The following SGCD variants were observed in gnomAD, a reference collection of about 807,000 sequenced individuals.
SGCD encodes delta-sarcoglycan.
In SGCD, 18 loss-of-function variants were observed where a neutral mutation model predicts 36.6. That is an observed-to-expected ratio of 0.49 (90% CI 0.34 to 0.73). SGCD has a LOEUF of 0.73. Among genes scored for constraint, SGCD ranks in the 30% least tolerant of loss-of-function variants. The pLI, the probability that SGCD is intolerant of heterozygous loss-of-function variation, is 0.01. For missense variants in SGCD, 387 were observed against 346.7 expected (o/e 1.12, Z -0.92); for synonymous variants, 133 against 130.6 (o/e 1.02, Z -0.12).
chr5:156,098,867 C>T (rs1761447004), intron 1 of SGCD, among the ~76,000 whole-genome samples: 1 of 152,240 alleles, frequency 6.6e-6, no homozygotes, highest in Non-Finnish European at 1.5e-5. Context: ...TGCCCACCCA[C>T]CTTGGTATCT....
chr5:156,545,577 T>C (rs918680601), intron 4 of SGCD, among the ~76,000 whole-genome samples: 2 of 152,072 alleles, frequency 1.3e-5, no homozygotes, highest in Admixed American at 6.5e-5. Flanking sequence ...CCGACCTAGA[T>C]CCCTTGCATG....
At chr5:156,605,716 T>G (rs1413901182) in intron 6 of SGCD, among the ~76,000 whole-genome samples, 1 of 152,210 alleles carries the variant, frequency 6.6e-6, no homozygotes, top group South Asian at 2.1e-4. Context: ...ACTTGTTGTT[T>G]CCTGACTTTT....
chr5:156,296,318 C>A (rs1317228642), intron 3 of SGCD, among the ~76,000 whole-genome samples: 3 of 152,120 alleles, frequency 2.0e-5, no homozygotes, highest in Non-Finnish European at 4.4e-5. Context: ...GAGACGGTGT[C>A]AAAGGTGACC....
At chr5:156,674,072 T>A (rs1472317556) in intron 7 of SGCD, among the ~76,000 whole-genome samples, 2 of 152,182 alleles carry the variant, frequency 1.3e-5, no homozygotes, top group Non-Finnish European at 2.9e-5. Context: ...ATGAGTGGGA[T>A]TAAAATGGAG....
chr5:155,929,356 T>C lies in SGCD; in HGVS notation c.-282+58932T>C, dbSNP rs182858969. On this transcript the variant is annotated intron_variant, in intron 1 of 9. Transcript: ENST00000517913. Reference sequence around the variant, plus strand: ...TCTCAGTAAATGCTTTTGTGCAAACTCAATTATTCAGAAAAGAGAATTTAA... The same window carrying C: ...TCTCAGTAAATGCTTTTGTGCAAACCCAATTATTCAGAAAAGAGAATTTAA... 1.6e-3 allele frequency among the ~76,000 whole-genome samples: 249 copies of C among 152,326 alleles called. 1 individual carries two copies. The highest frequency in any genetic ancestry group is 5.9e-3 in the African/African-American group (246 of 41,584).
intron 3 of SGCD, among the ~76,000 whole-genome samples, chr5:156,391,753 T>G (rs1771583625): frequency 6.6e-6 from 1 of 152,200 alleles, no homozygotes; most frequent in Non-Finnish European, 1.5e-5. Context: ...AAGGGATGAC[T>G]CTCTATATAC....
intron 3 of SGCD, among the ~76,000 whole-genome samples, chr5:156,300,178 A>T (rs917620213): frequency 6.6e-6 from 1 of 152,134 alleles, no homozygotes; most frequent in Non-Finnish European, 1.5e-5. Flanking sequence ...TTCAGCATCA[A>T]CTAAAATGAT....
chr5:156,729,306 C>T (rs1449717620), intron 7 of SGCD, among the ~76,000 whole-genome samples: 1 of 152,156 alleles, frequency 6.6e-6, no homozygotes, highest in East Asian at 1.9e-4. Context: ...ATGCCTTTAC[C>T]ATCCCCCTGA....
chr5:155,845,460 C>A, the SGCD span: 1 of 152,366 alleles, frequency 6.6e-6, no homozygotes, highest in Non-Finnish European at 1.5e-5. Flanking sequence ...CCACCCTGAA[C>A]GCGCCTGATC....
At chr5:156,490,598 C>A (rs191175495) in intron 3 of SGCD, among the ~76,000 whole-genome samples, 1 of 151,954 alleles carries the variant, frequency 6.6e-6, no homozygotes, top group East Asian at 1.9e-4. Context: ...GAATGAAGGA[C>A]AGAAACTATA....
At chr5:156,294,724 A>G (rs1193753483) in intron 3 of SGCD, among the ~76,000 whole-genome samples, 1 of 152,138 alleles carries the variant, frequency 6.6e-6, no homozygotes, top group Non-Finnish European at 1.5e-5. Context: ...CTTTTTATGT[A>G]TCAGTTGAGA....
Position 156,764,051 on chromosome 5 carries a change from CCT to C in SGCD, c.*4662_*4663del, listed in dbSNP as rs1432613528. The C allele has an allele frequency of 6.6e-6, 1 of 152,146 alleles. No individual in the cohort carries two copies. The highest frequency in any genetic ancestry group is 6.6e-5 in the Admixed American group (1 of 15,254). 9.4% of individuals were successfully genotyped at this position (152,146 alleles called of 1,614,324 possible). A position where few individuals can be genotyped will look rare whatever the true frequency, so the allele number is the denominator to read the frequency against. On this transcript the variant is annotated 3_prime_UTR_variant, in exon 9 of 9. Transcript: ENST00000337851. ...AACAAGACCAGTTCTCCCTCTTCCC[CCT>C]GTCCCAAGAAATCTTAGGCATGAAA...
intron 1 of SGCD, among the ~76,000 whole-genome samples, chr5:155,963,734 T>A (rs1206665239): frequency 6.6e-6 from 1 of 152,144 alleles, no homozygotes; most frequent in African/African-American, 2.4e-5. Flanking sequence ...CAGTCTTCCT[T>A]ATTCTCCTCT....
At chr5:155,757,342 A>T in the SGCD span, among the ~76,000 whole-genome samples, 5 of 152,216 alleles carry the variant, frequency 3.3e-5, no homozygotes, top group African/African-American at 1.2e-4. Context: ...AATTCTTGCT[A>T]TAGCCCTGCA....
chr5:156,074,777 A>G (rs1760720010), intron 1 of SGCD, among the ~76,000 whole-genome samples: 1 of 152,252 alleles, frequency 6.6e-6, no homozygotes, highest in African/African-American at 2.4e-5. Context: ...TTTGCACAAT[A>G]AAATAGGTGA....
intron 1 of SGCD, among the ~76,000 whole-genome samples, chr5:155,907,709 A>T (rs1756548555): frequency 6.6e-6 from 1 of 152,186 alleles, no homozygotes; most frequent in Non-Finnish European, 1.5e-5. Flanking sequence ...CTTCTTATGG[A>T]TAAGCAAGGA....
At chr5:156,538,584 G>T (rs1356463079) in intron 4 of SGCD, among the ~76,000 whole-genome samples, 3 of 151,914 alleles carry the variant, frequency 2.0e-5, no homozygotes, top group Non-Finnish European at 4.4e-5. Flanking sequence ...TGCAAATTAA[G>T]ACACCTTCAT....
intron 1 of SGCD, among the ~76,000 whole-genome samples, chr5:155,899,729 A>C (rs1756346716): frequency 1.3e-5 from 2 of 152,200 alleles, no homozygotes; most frequent in South Asian, 2.1e-4. Context: ...ATGAGGTTGA[A>C]ACTTACCTTT....
At chr5:156,649,412 A>G (rs866988804) in intron 7 of SGCD, among the ~76,000 whole-genome samples, 5 of 152,174 alleles carry the variant, frequency 3.3e-5, no homozygotes, top group African/African-American at 9.7e-5. Flanking sequence ...ACATGCACAC[A>G]TATATTTATT....
Sources: allele counts gnomAD v4.1 joint callset (sites outside exome capture counted in the v4.1 genomes callset), GRCh38; gene constraint gnomAD v4.1.1; transcripts MANE v1.5; gene names NCBI Gene and HGNC (gene_info 2026-07-23, HGNC 2026-07-21).